COL6A5: variants seen among roughly 807,000 people sequenced by gnomAD.
COL6A5 encodes the protein collagen type VI alpha 5 chain.
COL6A5 carries 48 observed loss-of-function variants against 65.6 expected under a neutral mutation model. The observed-to-expected ratio is 0.73, with a 90% CI of 0.58 to 0.93. The LOEUF (loss-of-function observed/expected upper bound fraction) is 0.93, where lower values mean the gene tolerates loss of function less well. Ranked by LOEUF, COL6A5 falls within the 40% of genes least tolerant of loss-of-function variation. COL6A5 has a pLI of 0.00. For missense variants in COL6A5, 914 were observed against 928.3 expected, an observed-to-expected ratio of 0.98 and a Z score of 0.20; for synonymous variants, 291 against 322.8, an observed-to-expected ratio of 0.90 and a Z score of 1.05.
rs760102493 is a variant in COL6A5 at position 130,388,693 on chromosome 3, C to A, written c.1975C>A (p.Gln659Lys). ...CATGAAAAACCTGTTAACTAAAATTCAAATTGGTGCAGACAAAACCCAGAT... is the reference window on the plus strand; with the variant it reads ...CATGAAAAACCTGTTAACTAAAATTAAAATTGGTGCAGACAAAACCCAGAT... The change falls in exon 6 of 42, where the codon CAA (glutamine) becomes AAA (lysine). Residue 659 changes from glutamine to lysine, a missense_variant and NMD_transcript_variant. Coordinates refer to the COL6A5 transcript ENST00000312481. The A allele has an allele frequency of 1.7e-5, 26 of 1,551,054 alleles. No individual in the cohort carries two copies. The South Asian group carries it at 2.6e-4, about 16-fold the overall frequency.
At chr3:130,467,859 TG>T (rs2107612948) in intron 5 of COL6A5, among the ~76,000 whole-genome samples, 1 of 152,170 alleles carries the variant, frequency 6.6e-6, no homozygotes, top group Non-Finnish European at 1.5e-5. Context: ...ACTTTTTGCT[TG>T]ATTAGGTTCA....
chr3:130,472,849 A>ATATATATATATATG (rs1193014691), intron 7 of COL6A5, among the ~76,000 whole-genome samples: 2 of 143,850 alleles, frequency 1.4e-5, no homozygotes, highest in African/African-American at 5.0e-5. Context: ...ATATATATAT[A>ATATATATATATATG]TATATATATA....
At chr3:130,426,505 G>T, upstream of COL6A5, 1 of 1,166,090 alleles carries the variant, frequency 8.6e-7, no homozygotes, top group Non-Finnish European at 1.3e-6. Flanking sequence ...GAGTTCACTG[G>T]TGGGAAGCCT....
intron 3 of COL6A5, 125 bp downstream of exon 3, chr3:130,376,961 C>T: frequency 1.9e-6 from 2 of 1,044,316 alleles, no homozygotes; most frequent in Non-Finnish European, 2.7e-6. Flanking sequence ...GAAACTTCTA[C>T]ACATCATACC....
chr3:130,463,769 A>T (rs541802201), intron 5 of COL6A5, among the ~76,000 whole-genome samples: 1 of 152,226 alleles, frequency 6.6e-6, no homozygotes, highest in African/African-American at 2.4e-5. Flanking sequence ...ATCTTGAAAG[A>T]AAATATTTTT....
intron 1 of COL6A5, among the ~76,000 whole-genome samples, chr3:130,356,825 G>A (rs1029951912): frequency 1.3e-5 from 2 of 152,142 alleles, no homozygotes; most frequent in African/African-American, 4.8e-5. Context: ...TGATGAGCAG[G>A]CTTGCATGTC....
intron 1 of COL6A5, among the ~76,000 whole-genome samples, chr3:130,439,006 T>C (rs1371850543): frequency 1.3e-5 from 2 of 152,198 alleles, no homozygotes; most frequent in Non-Finnish European, 2.9e-5. Flanking sequence ...GAGGGTCCTC[T>C]TGACAACTGA....
At chr3:130,458,134 T>G (rs1343106059) in intron 5 of COL6A5, among the ~76,000 whole-genome samples, 2 of 152,110 alleles carry the variant, frequency 1.3e-5, no homozygotes, top group Non-Finnish European at 2.9e-5. Context: ...CCTCTTTCTC[T>G]TCTTCTCCCC....
At chr3:130,426,426 G>A in intron 31 of COL6A5, 23 bp downstream of exon 31, 1 of 1,550,640 alleles carries the variant, frequency 6.4e-7, no homozygotes, top group East Asian at 2.4e-5. Flanking sequence ...TACGGAACAA[G>A]AGCATCCATC....
In COL6A5 at chr3:130,443,462, T is replaced by A. The variant is rs374962070; in HGVS notation, c.1242-14T>A. 6.4e-7 allele frequency: 1 copy of A among 1,572,028 alleles called. No homozygotes were observed. The highest frequency in any genetic ancestry group is 8.8e-7 in the Non-Finnish European group (1 of 1,142,602). On this transcript the variant is annotated splice_polypyrimidine_tract_variant and intron_variant, in intron 3 of 7. Coordinates refer to ENST00000512836, the Ensembl canonical transcript of COL6A5. ...CAGTTTTAAAATCTAACTATAACTTTGTTCTCTCAATAGGGGGATTCAATC... is the reference window on the plus strand; with the variant it reads ...CAGTTTTAAAATCTAACTATAACTTAGTTCTCTCAATAGGGGGATTCAATC...
intron 5 of COL6A5, 90 bp from the exon 6 acceptor site, chr3:130,388,490 C>T (rs1936275876): frequency 1.5e-5 from 16 of 1,044,474 alleles, no homozygotes; most frequent in Non-Finnish European, 2.2e-5. Context: ...TCAATGTTTT[C>T]TCATTAATGC....
chr3:130,484,544 T>A, exon 8 of COL6A5: 1 of 399,040 alleles, frequency 2.5e-6, no homozygotes, highest in Non-Finnish European at 4.4e-6. Flanking sequence ...TAGCAGTGAT[T>A]GTCTTCTAAA....
chr3:130,400,299 C>A (rs1201258801), intron 10 of COL6A5, among the ~76,000 whole-genome samples: 2 of 152,218 alleles, frequency 1.3e-5, no homozygotes, highest in Non-Finnish European at 1.5e-5. Flanking sequence ...TTTCTCAGAG[C>A]AACTATCTGA....
At position 130,469,416 on chromosome 3, in the gene COL6A5, G is replaced by A. The variant is rs370340112; in HGVS notation, c.2168G>A (p.Arg723Gln). The A allele has an allele frequency of 1.8e-5, 29 of 1,612,782 alleles. No individual in the cohort carries two copies. In the East Asian group the frequency reaches 2.2e-4, roughly 12 times the overall value. Residue 723 changes from arginine to glutamine, a missense_variant, in exon 6 of 8, where the codon CGA becomes CAA. Transcript: ENST00000512836. ...GATCATCACTTGGTCCAACTTGGCC[G>A]AACCCACAAGCCAGATTGGAACTAT...
At chr3:130,399,307 A>G (rs1006062051) in intron 10 of COL6A5, among the ~76,000 whole-genome samples, 5 of 151,148 alleles carry the variant, frequency 3.3e-5, no homozygotes, top group African/African-American at 9.7e-5. Flanking sequence ...ATTCCTTAAC[A>G]TGGCTTGGGA....
chr3:130,370,091 A>T (rs1366493108), intron 1 of COL6A5, among the ~76,000 whole-genome samples: 1 of 152,186 alleles, frequency 6.6e-6, no homozygotes. Context: ...TCACTCATTC[A>T]TGCTACTCTC....
exon 28 of COL6A5, chr3:130,422,779 A>G: frequency 2.0e-6 from 3 of 1,484,430 alleles, no homozygotes; most frequent in Non-Finnish European, 2.7e-6. Flanking sequence ...TTAGGGGACT[A>G]GCAGTAAGTA....
chr3:130,389,219 G>A, intron 6 of COL6A5, 85 bp downstream of exon 6: 1 of 899,924 alleles, frequency 1.1e-6, no homozygotes, highest in Non-Finnish European at 1.5e-6. Context: ...CTCTGGCCCT[G>A]ACCTCCACCT....
intron 8 of COL6A5, among the ~76,000 whole-genome samples, chr3:130,397,061 G>C (rs1262233999): frequency 6.6e-6 from 1 of 151,970 alleles, no homozygotes; most frequent in Non-Finnish European, 1.5e-5. Flanking sequence ...TAGAGATGGG[G>C]TTTCACCGTG....
Sources: gnomAD v4.1 joint callset for allele counts (sites outside exome capture counted in the v4.1 genomes callset) on GRCh38, gnomAD v4.1.1 for gene constraint, MANE v1.5 for transcripts, NCBI Gene and HGNC (gene_info 2026-07-23, HGNC 2026-07-21) for gene names.